TLK1: variants seen among roughly 807,000 people sequenced by gnomAD.
TLK1 encodes serine/threonine-protein kinase tousled-like 1.
TLK1 carries 24 observed loss-of-function variants against 105.3 expected under a neutral mutation model. That is an observed-to-expected ratio of 0.23 (90% confidence interval 0.17 to 0.32). The LOEUF is 0.32. Ranked by LOEUF, TLK1 falls within the 10% of genes least tolerant of loss-of-function variation. The pLI is 1.00. For synonymous variants in TLK1, 321 were observed against 310.4 expected (o/e 1.03, Z -0.36); for missense variants, 558 against 910.5 (o/e 0.61, Z 4.98).
intron 2 of TLK1, among the ~76,000 whole-genome samples, chr2:171,112,879 G>C (rs1471996447): frequency 6.6e-6 from 1 of 152,072 alleles, no homozygotes; most frequent in Non-Finnish European, 1.5e-5. Flanking sequence ...AATAAACAGG[G>C]AGACATTTCA....
intron 1 of TLK1, among the ~76,000 whole-genome samples, chr2:171,139,084 C>T (rs1003781897): frequency 1.3e-5 from 2 of 152,070 alleles, no homozygotes; most frequent in East Asian, 1.9e-4. Flanking sequence ...GTGACTAAGA[C>T]GTGTATCACA....
rs1054136070 is a variant in TLK1 at position 170,992,889 on chromosome 2, C to A, written c.*891G>T. Reference sequence around the variant, plus strand: ...TAGTAATTGAAATATGACATCTGTACAACAATTTACAATAGAGCTAGAAGG... The same window carrying A: ...TAGTAATTGAAATATGACATCTGTAAAACAATTTACAATAGAGCTAGAAGG... On this transcript the variant is annotated 3_prime_UTR_variant, in exon 21 of 21. Transcript: ENST00000431350. The A allele has an allele frequency of 2.0e-5, 3 of 152,614 alleles. No individual in the cohort carries two copies. Among genetic ancestry groups the A allele is most frequent in the African/African-American group, 7.2e-5 (3 of 41,446 alleles). The allele number at this position is 152,614 out of a possible 1,614,324, so 9.5% of individuals were successfully genotyped here. A position where few individuals can be genotyped will look rare whatever the true frequency, so the allele number is the denominator to read the frequency against.
intron 11 of TLK1, among the ~76,000 whole-genome samples, chr2:171,036,655 G>A (rs1390281565): frequency 1.3e-5 from 2 of 152,158 alleles, no homozygotes; most frequent in African/African-American, 4.8e-5. Flanking sequence ...TTCCTCCATC[G>A]TACTGTGGGA....
intron 2 of TLK1, among the ~76,000 whole-genome samples, chr2:171,096,814 A>G (rs1274710104): frequency 1.3e-5 from 2 of 152,156 alleles, no homozygotes; most frequent in South Asian, 2.1e-4. Flanking sequence ...AAAAACTATA[A>G]AACTGTCGAA....
At chr2:171,059,633 A>G (rs1389263308) in intron 4 of TLK1, among the ~76,000 whole-genome samples, 1 of 152,134 alleles carries the variant, frequency 6.6e-6, no homozygotes, top group Non-Finnish European at 1.5e-5. Flanking sequence ...GAATGGACAT[A>G]TGACCAATCT....
At chr2:171,174,226 G>A (rs912138106) in intron 1 of TLK1, among the ~76,000 whole-genome samples, 4 of 152,026 alleles carry the variant, frequency 2.6e-5, no homozygotes, top group Non-Finnish European at 5.9e-5. Flanking sequence ...AGTTATTACA[G>A]TGACCAAACA....
rs371235604 is a variant in TLK1, at chr2:171,025,180, C to T, written c.1236+3159G>A. On this transcript the variant is annotated intron_variant, in intron 12 of 20. Transcript: ENST00000431350. ...ATCTTTGGATTTATTATTTTTCTAA[C>T]CCTGAAGAACAGCATAAAATATGAA... Among the ~76,000 whole-genome samples, 4 of 152,138 alleles carry T rather than the reference C, an allele frequency of 2.6e-5. No homozygotes were observed. The East Asian group carries it at 7.7e-4, about 29-fold the overall frequency.
chr2:171,015,149 C>G (rs1003410224), intron 12 of TLK1, among the ~76,000 whole-genome samples: 2 of 151,986 alleles, frequency 1.3e-5, no homozygotes, highest in African/African-American at 2.4e-5. Context: ...AAGAAACCAT[C>G]CTCCACATGA....
At chr2:171,179,008 A>T (rs1692881478) in intron 1 of TLK1, among the ~76,000 whole-genome samples, 2 of 152,184 alleles carry the variant, frequency 1.3e-5, no homozygotes, top group African/African-American at 4.8e-5. Context: ...CACCTGCTCT[A>T]GTTAGTGCTT....
Position 171,082,769 on chromosome 2 carries a change from G to T in TLK1, c.330+12C>A. ...ACTTTAATAGCACCATATTTAAAAT[G>T]AAATTACTTACCTCTGATTCTTTGT... On this transcript the variant is annotated intron_variant, in intron 3 of 20. Coordinates refer to ENST00000431350, the MANE Select transcript of TLK1 (RefSeq NM_012290.5). The T allele has an allele frequency of 6.3e-7, 1 of 1,579,666 alleles. No individual in the cohort carries two copies. Among genetic ancestry groups the T allele is most frequent in the South Asian group, 1.2e-5 (1 of 86,604 alleles).
At chr2:171,032,156 G>T (rs1005214363) in intron 11 of TLK1, among the ~76,000 whole-genome samples, 1 of 152,086 alleles carries the variant, frequency 6.6e-6, no homozygotes, top group African/African-American at 2.4e-5. Context: ...GGTGAAAATG[G>T]AAAGATTTTC....
chr2:171,227,568 C>CCTTT (rs1693921166), intron 1 of TLK1, among the ~76,000 whole-genome samples: 1 of 55,500 alleles, frequency 1.8e-5, no homozygotes, highest in African/African-American at 6.7e-5. Context: ...AGTAAATCTC[C>CCTTT]TTTTTTTTTT....
chr2:171,060,729 C>CT (rs1257225550), intron 4 of TLK1, among the ~76,000 whole-genome samples: 2 of 151,502 alleles, frequency 1.3e-5, no homozygotes, highest in Non-Finnish European at 2.9e-5. Context: ...TTTTGATAGC[C>CT]TTTTTTTTAA....
At chr2:171,167,866 G>C (rs1049719956) in intron 1 of TLK1, among the ~76,000 whole-genome samples, 2 of 152,044 alleles carry the variant, frequency 1.3e-5, no homozygotes, top group Non-Finnish European at 2.9e-5. Context: ...CAAAAACAAA[G>C]TACAACAAGC....
chr2:171,021,950 A>T (rs928700574), intron 12 of TLK1, among the ~76,000 whole-genome samples: 39 of 152,060 alleles, frequency 2.6e-4, no homozygotes, highest in African/African-American at 8.7e-4. Flanking sequence ...AATATATATA[A>T]AAATTAGCCA....
At chr2:171,161,064 A>C, upstream of TLK1, among the ~76,000 whole-genome samples, 1 of 147,270 alleles carries the variant, frequency 6.8e-6, no homozygotes, top group African/African-American at 2.5e-5. Context: ...GGAAGGAGCG[A>C]GCGCGCGAGG....
intron 2 of TLK1, among the ~76,000 whole-genome samples, chr2:171,085,609 C>CA (rs1320254049): frequency 6.6e-6 from 1 of 152,016 alleles, no homozygotes; most frequent in Non-Finnish European, 1.5e-5. Context: ...AAAATAAAAG[C>CA]AAAGTGTTTT....
chr2:171,104,375 G>A (rs1278857584), intron 2 of TLK1, among the ~76,000 whole-genome samples: 1 of 151,142 alleles, frequency 6.6e-6, no homozygotes, highest in Admixed American at 6.6e-5. Context: ...CTTTCTACAA[G>A]GAAAATTATA....
At chr2:171,089,760 G>T (rs1558935971) in intron 2 of TLK1, among the ~76,000 whole-genome samples, 2 of 152,060 alleles carry the variant, frequency 1.3e-5, no homozygotes, top group African/African-American at 2.4e-5. Flanking sequence ...CTGCACCCTC[G>T]AACTCCTGGG....
Sources: gnomAD v4.1 joint callset for allele counts (sites outside exome capture counted in the v4.1 genomes callset) on GRCh38, gnomAD v4.1.1 for gene constraint, MANE v1.5 for transcripts, NCBI Gene and HGNC (gene_info 2026-07-23, HGNC 2026-07-21) for gene names.